RHEB: variants seen among roughly 807,000 people sequenced by gnomAD.
The protein encoded by RHEB is GTP-binding protein Rheb.
A neutral mutation model predicts 28.8 loss-of-function variants in RHEB; 2 were observed. The ratio of observed to expected loss-of-function variants is 0.07; its 90% CI spans 0.03 to 0.22. RHEB has a LOEUF of 0.22. RHEB is among the 10% of genes least tolerant of loss of function. The pLI, the probability that RHEB is intolerant of heterozygous loss-of-function variation, is 1.00. For missense variants in RHEB, 76 were observed against 219.9 expected, an observed-to-expected ratio of 0.35 and a Z score of 4.14; for synonymous variants, 69 against 77.3, an observed-to-expected ratio of 0.89 and a Z score of 0.56.
Position 151,519,606 on chromosome 7 carries a change from G to T in RHEB, c.-95C>A. ...GGCGGCGGCCGCGCCGGGAGAGAGC[G>T]GCATACAGAGCAGGGGCGGCGGCGG... On this transcript the variant is annotated 5_prime_UTR_variant, in exon 1 of 8. Coordinates refer to ENST00000262187, the MANE Select transcript of RHEB (RefSeq NM_005614.4). The T allele has an allele frequency of 2.4e-6, 3 of 1,258,510 alleles. No homozygotes were observed. Among genetic ancestry groups the T allele is most frequent in the South Asian group, 1.5e-5 (1 of 67,294 alleles). The allele number at this position is 1,258,510 out of a possible 1,614,324, so 78.0% of individuals were successfully genotyped here. A position where few individuals can be genotyped will look rare whatever the true frequency, so the allele number is the denominator to read the frequency against.
chr7:151,519,686 C>G lies in RHEB; in HGVS notation c.-175G>C. 2.4e-6 allele frequency: 1 copy of G among 417,870 alleles called. No homozygotes were observed. Among genetic ancestry groups the G allele is most frequent in the Non-Finnish European group, 4.0e-6 (1 of 251,758 alleles). 25.9% of individuals were successfully genotyped at this position (417,870 alleles called of 1,614,324 possible). ...GCGCTCCCAACCGCCCGGAACCGAC[C>G]GCGCGGCGGCGCCCCTCCCCCCCAC... is the stretch of plus-strand genomic sequence containing the variant. On this transcript the variant is annotated 5_prime_UTR_variant, in exon 1 of 8. Coordinates refer to ENST00000262187, the MANE Select transcript of RHEB (RefSeq NM_005614.4).
At chr7:151,470,398 TA>T in intron 7 of RHEB, 172 bp downstream of exon 7, 1 of 475,424 alleles carries the variant, frequency 2.1e-6, no homozygotes. Context: ...ACTGAATTTA[TA>T]AACACCTAAG....
At chr7:151,503,080 A>G (rs1472750373) in intron 1 of RHEB, 2 of 798,810 alleles carry the variant, frequency 2.5e-6, no homozygotes, top group Non-Finnish European at 4.6e-6. Flanking sequence ...TTGAAGATAC[A>G]CTAAAGACTT....
chr7:151,496,197 G>A (rs1014414921), intron 1 of RHEB, among the ~76,000 whole-genome samples: 3 of 152,120 alleles, frequency 2.0e-5, no homozygotes, highest in African/African-American at 4.8e-5. Context: ...GGGCCTGAAA[G>A]CCCACTGGCC....
chr7:151,509,852 G>A (rs539883572), intron 1 of RHEB, among the ~76,000 whole-genome samples: 6 of 152,142 alleles, frequency 3.9e-5, no homozygotes, highest in East Asian at 1.9e-4. Context: ...ACACCCACTC[G>A]TTGATGTATT....
At chr7:151,509,434 T>A (rs1174620135) in intron 1 of RHEB, among the ~76,000 whole-genome samples, 1 of 152,222 alleles carries the variant, frequency 6.6e-6, no homozygotes, top group Non-Finnish European at 1.5e-5. Flanking sequence ...TTCCATCATT[T>A]CTGATTTTAG....
At chr7:151,488,010 G>C (rs1802512799) in intron 2 of RHEB, among the ~76,000 whole-genome samples, 1 of 152,166 alleles carries the variant, frequency 6.6e-6, no homozygotes, top group African/African-American at 2.4e-5. Context: ...TGAGAATGCT[G>C]CAACACCTAA....
chr7:151,470,897 A>T (rs1302506996), intron 6 of RHEB, among the ~76,000 whole-genome samples: 1 of 152,232 alleles, frequency 6.6e-6, no homozygotes, highest in Non-Finnish European at 1.5e-5. Context: ...CAGCTCAGAG[A>T]ACATGATCTT....
At chr7:151,503,517 A>C in intron 1 of RHEB, 1 of 777,742 alleles carries the variant, frequency 1.3e-6, no homozygotes, top group Non-Finnish European at 2.2e-6. Context: ...CAAGAAGCAT[A>C]CCCATGGTGG....
At chr7:151,494,328 CG>C (rs764097670) in intron 1 of RHEB, among the ~76,000 whole-genome samples, 13 of 152,092 alleles carry the variant, frequency 8.5e-5, no homozygotes, top group Non-Finnish European at 1.8e-4. Flanking sequence ...ACCTGACTTG[CG>C]GGAGTGAAGG....
In RHEB at chr7:151,477,387, T is replaced by C; in HGVS notation, c.221A>G (p.Tyr74Cys). The change falls in exon 4 of 8, where the codon TAC becomes TGC. Residue 74 changes from tyrosine to cysteine, a missense_variant. Physicochemically the swap from Tyr to Cys is radical, Grantham distance 194 (BLOSUM62 -2). Coordinates refer to ENST00000262187, the MANE Select transcript of RHEB (RefSeq NM_005614.4). ...AATATAGCCATTAATATCTATGGAG[T>C]ATGTCTGAGGAAAGATAGAATATTC... Reference protein sequence around the residue: ...QDEYSIFPQTYSIDINGYILV... With the variant: ...QDEYSIFPQTCSIDINGYILV... The C allele has an allele frequency of 6.3e-7, 1 of 1,582,572 alleles. No individual in the cohort carries two copies. The highest frequency in any genetic ancestry group is 8.6e-7 in the Non-Finnish European group (1 of 1,157,628).
chr7:151,516,936 G>A (rs985942036), intron 1 of RHEB, among the ~76,000 whole-genome samples: 1 of 152,154 alleles, frequency 6.6e-6, no homozygotes, highest in Non-Finnish European at 1.5e-5. Context: ...ATGCCAGTAA[G>A]CTCCCAGAAG....
chr7:151,492,530 T>C (rs970947653), intron 1 of RHEB, among the ~76,000 whole-genome samples: 2 of 148,138 alleles, frequency 1.4e-5, no homozygotes, highest in Non-Finnish European at 3.0e-5. Flanking sequence ...GGCAGGAGGA[T>C]AGTTTGAACC....
At position 151,519,625 on chromosome 7, in the gene RHEB, GC is replaced by G; in HGVS notation, c.-115del. On this transcript the variant is annotated 5_prime_UTR_variant, in exon 1 of 8. Transcript: ENST00000262187. ...GAGAGCGGCATACAGAGCAGGGGCG[GC>G]GGCGGGCGCGGCTGCCTCTCGCTCG... The G allele has an allele frequency of 1.1e-6, 1 of 925,662 alleles. No homozygotes were observed. Among genetic ancestry groups the G allele is most frequent in the East Asian group, 3.6e-5 (1 of 27,970 alleles). The allele number at this position is 925,662 out of a possible 1,614,324, so 57.3% of individuals were successfully genotyped here.
At chr7:151,511,711 G>C (rs1584868939) in intron 1 of RHEB, among the ~76,000 whole-genome samples, 1 of 150,564 alleles carries the variant, frequency 6.6e-6, no homozygotes. Flanking sequence ...CCAGTGGCGC[G>C]ATCTCGACTC....
intron 4 of RHEB, among the ~76,000 whole-genome samples, chr7:151,476,610 A>G (rs1802276382): frequency 6.6e-6 from 1 of 152,378 alleles, no homozygotes; most frequent in South Asian, 2.1e-4. Context: ...AATGTATCAT[A>G]TGTAGGCAAA....
At chr7:151,489,122 G>A (rs1802533366) in intron 2 of RHEB, among the ~76,000 whole-genome samples, 1 of 152,252 alleles carries the variant, frequency 6.6e-6, no homozygotes, top group South Asian at 2.1e-4. Flanking sequence ...AATGGCATGA[G>A]GATACAGCCA....
intron 3 of RHEB, among the ~76,000 whole-genome samples, chr7:151,478,857 A>G (rs1802322615): frequency 6.6e-6 from 1 of 151,938 alleles, no homozygotes; most frequent in South Asian, 2.1e-4. Flanking sequence ...CTGGTCTCGA[A>G]CCCCTGACCT....
At chr7:151,490,286 A>G (rs1049592959) in intron 2 of RHEB, among the ~76,000 whole-genome samples, 26 of 152,204 alleles carry the variant, frequency 1.7e-4, no homozygotes, top group Admixed American at 3.9e-4. Context: ...AAAAAATAAA[A>G]TAAAATAAAT....
Sources: allele counts gnomAD v4.1 joint callset (sites outside exome capture counted in the v4.1 genomes callset), GRCh38; gene constraint gnomAD v4.1.1; transcripts MANE v1.5; gene names NCBI Gene and HGNC (gene_info 2026-07-23, HGNC 2026-07-21).